Variants in EYS observed in about 807,000 individuals in gnomAD.
EYS encodes the protein protein eyes shut homolog.
A neutral mutation model predicts 282.1 loss-of-function variants in EYS; 250 were observed. The observed-to-expected ratio is 0.89, with a 90% confidence interval of 0.80 to 0.98. EYS has a LOEUF of 0.98. Ranked by LOEUF, EYS falls within the 50% of genes least tolerant of loss-of-function variation. EYS has a pLI of 0.00. For missense variants in EYS, 4,016 were observed against 3,709.0 expected (o/e 1.08, Z -2.15); for synonymous variants, 1,355 against 1,282.9 (o/e 1.06, Z -1.20).
chr6:65,415,292 T>C (rs1767186214), intron 5 of EYS, among the ~76,000 whole-genome samples: 1 of 152,018 alleles, frequency 6.6e-6, no homozygotes, highest in Non-Finnish European at 1.5e-5. Flanking sequence ...TGGTATCTCA[T>C]TAGAAATGCA....
chr6:65,517,887 T>C (rs1767203085), intron 2 of EYS, among the ~76,000 whole-genome samples: 1 of 152,076 alleles, frequency 6.6e-6, no homozygotes, highest in Admixed American at 6.6e-5. Context: ...AAACACGTTC[T>C]ATGTGTAAGA....
chr6:64,210,408 A>G (rs1269825164), intron 31 of EYS, among the ~76,000 whole-genome samples: 2 of 151,354 alleles, frequency 1.3e-5, no homozygotes, highest in South Asian at 2.1e-4. Flanking sequence ...GTGTCCTCTC[A>G]TGGTTTTCTC....
intron 28 of EYS, among the ~76,000 whole-genome samples, chr6:64,430,630 T>C (rs1030644746): frequency 6.6e-6 from 1 of 152,184 alleles, no homozygotes; most frequent in Non-Finnish European, 1.5e-5. Flanking sequence ...TTTTCCCTTA[T>C]AGAAATAATT....
chr6:63,751,445 T>C (rs902127948), intron 41 of EYS, among the ~76,000 whole-genome samples: 1 of 152,234 alleles, frequency 6.6e-6, no homozygotes, highest in Non-Finnish European at 1.5e-5. Flanking sequence ...ATTTGCCTTT[T>C]GGTCTATGGA....
intron 2 of EYS, among the ~76,000 whole-genome samples, chr6:65,499,670 A>C (rs1047304186): frequency 6.6e-6 from 1 of 152,056 alleles, no homozygotes; most frequent in Non-Finnish European, 1.5e-5. Context: ...TACCTACCAC[A>C]GATTGGACTA....
At chr6:64,101,008 C>T (rs1227377692) in intron 31 of EYS, among the ~76,000 whole-genome samples, 1 of 152,036 alleles carries the variant, frequency 6.6e-6, no homozygotes, top group Non-Finnish European at 1.5e-5. Flanking sequence ...TCATGCTGGC[C>T]TTGAAATCCT....
intron 13 of EYS, among the ~76,000 whole-genome samples, chr6:65,045,607 C>T (rs1278326321): frequency 6.6e-6 from 1 of 151,826 alleles, no homozygotes; most frequent in Non-Finnish European, 1.5e-5. Context: ...AAGATAACCA[C>T]ATATGAGGAA....
intron 40 of EYS, among the ~76,000 whole-genome samples, chr6:63,766,618 T>A (rs57977761): frequency 0.094 from 14,256 of 152,040 alleles, 707 homozygotes; most frequent in East Asian, 0.16. Context: ...ACATTATTTG[T>A]CACTTACCAT....
chr6:63,793,477 T>C (rs900408554), intron 37 of EYS, among the ~76,000 whole-genome samples: 5 of 152,234 alleles, frequency 3.3e-5, no homozygotes, highest in African/African-American at 1.2e-4. Context: ...GCATGTGCAT[T>C]AAATACTTTT....
intron 31 of EYS, among the ~76,000 whole-genome samples, chr6:64,130,777 C>T (rs1452246388): frequency 6.6e-6 from 1 of 152,012 alleles, no homozygotes; most frequent in Admixed American, 6.5e-5. Flanking sequence ...TGAAAGAAAC[C>T]CAGGTAGCAA....
chr6:64,558,132 A>G (rs1222445313), intron 26 of EYS, among the ~76,000 whole-genome samples: 2 of 152,120 alleles, frequency 1.3e-5, no homozygotes, highest in Non-Finnish European at 2.9e-5. Context: ...TGAAAACTAA[A>G]ATTGTACATT....
At chr6:64,621,794 G>A (rs549553496) in intron 23 of EYS, among the ~76,000 whole-genome samples, 2 of 152,198 alleles carry the variant, frequency 1.3e-5, no homozygotes, top group African/African-American at 4.8e-5. Context: ...ACCCCTGCTG[G>A]GTATAAAAAG....
chr6:64,833,718 T>C (rs1765293994), intron 19 of EYS, among the ~76,000 whole-genome samples: 1 of 151,922 alleles, frequency 6.6e-6, no homozygotes, highest in South Asian at 2.1e-4. Context: ...TTAATTGCCA[T>C]TATTAGTTAA....
chr6:63,933,046 C>T (rs981897163), intron 35 of EYS, among the ~76,000 whole-genome samples: 6 of 152,154 alleles, frequency 3.9e-5, no homozygotes, highest in Non-Finnish European at 7.3e-5. Flanking sequence ...AAGGACATTA[C>T]AAAGGATACA....
At chr6:65,088,757 C>A (rs1229401820) in intron 12 of EYS, among the ~76,000 whole-genome samples, 2 of 152,144 alleles carry the variant, frequency 1.3e-5, no homozygotes, top group Non-Finnish European at 1.5e-5. Context: ...TGTCAGAGAC[C>A]TTCATGGCAG....
chr6:64,797,685 A>G (rs577710031), intron 22 of EYS, among the ~76,000 whole-genome samples: 1 of 152,156 alleles, frequency 6.6e-6, no homozygotes, highest in South Asian at 2.1e-4. Flanking sequence ...TTTAGGGTAC[A>G]TGTGCACAAT....
At chr6:64,014,988 G>T (rs1337570887) in intron 33 of EYS, among the ~76,000 whole-genome samples, 1 of 152,096 alleles carries the variant, frequency 6.6e-6, no homozygotes, top group Non-Finnish European at 1.5e-5. Flanking sequence ...ATAAAAATAG[G>T]TAGAACTGAT....
At chr6:63,850,414 A>G (rs1373935180) in intron 36 of EYS, among the ~76,000 whole-genome samples, 1 of 152,236 alleles carries the variant, frequency 6.6e-6, no homozygotes, top group Non-Finnish European at 1.5e-5. Flanking sequence ...AAAAAATGTT[A>G]AGGGCAGTCA....
At chr6:64,918,176 AG>A (rs1768224083) in intron 15 of EYS, among the ~76,000 whole-genome samples, 1 of 152,174 alleles carries the variant, frequency 6.6e-6, no homozygotes, top group Non-Finnish European at 1.5e-5. Flanking sequence ...AAAATCACTT[AG>A]CTCATTTAGA....
Sources: allele counts gnomAD v4.1 joint callset (sites outside exome capture counted in the v4.1 genomes callset), GRCh38; gene constraint gnomAD v4.1.1; transcripts MANE v1.5; gene names NCBI Gene and HGNC (gene_info 2026-07-23, HGNC 2026-07-21).